The following ZNF484 variants were observed in gnomAD, a reference collection of about 807,000 sequenced individuals.
ZNF484 encodes the protein zinc finger protein 484, also known as KRAB box containing C2H2 type zinc finger bA526D8.4.
A neutral mutation model predicts 12.9 loss-of-function variants in ZNF484; 11 were observed. The observed-to-expected ratio is 0.85, with a 90% confidence interval of 0.54 to 1.41. ZNF484 has a LOEUF of 1.41. Among genes scored for constraint, ZNF484 ranks in the 40% most tolerant of loss-of-function variants. The pLI is 0.00. For missense variants in ZNF484, 807 were observed against 1,007.7 expected, an observed-to-expected ratio of 0.80 and a Z score of 2.70; for synonymous variants, 289 against 334.1, an observed-to-expected ratio of 0.86 and a Z score of 1.47.
In ZNF484 at chr9:92,848,228, G is replaced by A. The variant is rs1423242094; in HGVS notation, c.559C>T (p.Pro187Ser). Residue 187 changes from proline to serine, a missense_variant, in exon 5 of 5, where the codon CCT (proline) becomes TCT (serine). Transcript: ENST00000375495. This position sits in a 1 kb window ranked among gnomAD's most constrained non-coding sequence, Gnocchi z 4.1. ...NCNSCGKNLE[P>S]IITLYNRNNA... Reference sequence around the variant, plus strand: ...TTTCTATTATATAAGGTTATGATAGGCTCCAAATTCTTTCCACACGAGTTA... The same window carrying A: ...TTTCTATTATATAAGGTTATGATAGACTCCAAATTCTTTCCACACGAGTTA... 6.2e-7 allele frequency: 1 copy of A among 1,614,096 alleles called. No individual in the cohort carries two copies. Among genetic ancestry groups the A allele is most frequent in the East Asian group, 2.2e-5 (1 of 44,876 alleles).
intron 2 of ZNF484, among the ~76,000 whole-genome samples, chr9:92,864,845 A>T (rs1856974989): frequency 6.6e-6 from 1 of 152,230 alleles, no homozygotes; most frequent in African/African-American, 2.4e-5. Context: ...CACTAGATAT[A>T]GCAACAAAAA....
Position 92,846,920 on chromosome 9 carries a change from G to A in ZNF484, c.1867C>T (p.Leu623Phe). ...CGKSFTKKSQ[L>F]HVHQQIHTGE... is the part of the protein sequence containing the mutation. ...GTGTGAATCTGCTGATGTACGTGGA[G>A]CTGTGATTTCTTAGTGAAGGATTTC... Residue 623 changes from leucine to phenylalanine, a missense_variant, in exon 5 of 5, where the codon CTC becomes TTC. Coordinates refer to ENST00000375495, the MANE Select transcript of ZNF484 (RefSeq NM_031486.4). 1 of 1,613,938 alleles carries A rather than the reference G, an allele frequency of 6.2e-7. No homozygotes were observed. Among genetic ancestry groups the A allele is most frequent in the Non-Finnish European group, 8.5e-7 (1 of 1,179,988 alleles).
At chr9:92,858,656 T>A (rs1424493004) in intron 2 of ZNF484, among the ~76,000 whole-genome samples, 4 of 152,230 alleles carry the variant, frequency 2.6e-5, no homozygotes, top group African/African-American at 7.2e-5. Context: ...TAAAGTGTTT[T>A]ATAAAGTATC....
chr9:92,849,998 C>G (rs1444956356), intron 4 of ZNF484, among the ~76,000 whole-genome samples: 1 of 152,166 alleles, frequency 6.6e-6, no homozygotes, highest in Non-Finnish European at 1.5e-5. Flanking sequence ...GACGGGGATT[C>G]ACCATGTTGG....
chr9:92,867,560 A>G (rs1432804433), intron 2 of ZNF484, among the ~76,000 whole-genome samples: 2 of 152,232 alleles, frequency 1.3e-5, no homozygotes, highest in African/African-American at 4.8e-5. Flanking sequence ...GCAAACCACC[A>G]TGGCACGCAT....
At position 92,847,786 on chromosome 9, in the gene ZNF484, C is replaced by T; in HGVS notation, c.1001G>A (p.Gly334Glu). 3.1e-6 allele frequency: 5 copies of T among 1,614,008 alleles called. No homozygotes were observed. Among genetic ancestry groups the T allele is most frequent in the Non-Finnish European group, 4.2e-6 (5 of 1,180,034 alleles). Reference sequence around the variant, plus strand: ...ATCTGACTTCTGGATAAAGGCTCTTCCATAGTCACTGCATTTATAGTAATT... The same window carrying T: ...ATCTGACTTCTGGATAAAGGCTCTTTCATAGTCACTGCATTTATAGTAATT... ...EGNYYKCSDY[G>E]RAFIQKSDLF... is the part of the protein sequence containing the mutation. The change falls in exon 5 of 5, where the codon GGA becomes GAA. Residue 334 changes from glycine (G) to glutamate (E), a missense_variant. Gly to Glu is a moderately conservative substitution (Grantham distance 98). Coordinates refer to ENST00000375495, the MANE Select transcript of ZNF484 (RefSeq NM_031486.4).
At chr9:92,856,107 AAC>A in intron 3 of ZNF484, 83 bp downstream of exon 3, 2 of 1,564,280 alleles carry the variant, frequency 1.3e-6, no homozygotes, top group Non-Finnish European at 1.7e-6. Context: ...TACCTCAGAA[AAC>A]ACAGACTTCA....
chr9:92,852,566 C>T (rs560598318), intron 4 of ZNF484, among the ~76,000 whole-genome samples: 2 of 101,574 alleles, frequency 2.0e-5, no homozygotes, highest in African/African-American at 8.3e-5. Context: ...GACGGAGTGT[C>T]GTTCTTGTCA....
In ZNF484 at chr9:92,846,125, T is replaced by A; in HGVS notation, c.*103A>T. ...GGAGCTTGACAACACCAATATCAAG[T>A]AACCAAAGATGGCCACTATACATTG... On this transcript the variant is annotated 3_prime_UTR_variant, in exon 5 of 5. Coordinates refer to ENST00000375495, the MANE Select transcript of ZNF484 (RefSeq NM_031486.4). The A allele has an allele frequency of 1.7e-6, 2 of 1,198,872 alleles. No individual in the cohort carries two copies. The highest frequency in any genetic ancestry group is 2.4e-5 in the Admixed American group (1 of 41,956). The allele number at this position is 1,198,872 out of a possible 1,614,324, so 74.3% of individuals were successfully genotyped here.
intron 4 of ZNF484, among the ~76,000 whole-genome samples, chr9:92,853,516 G>A (rs1587736222): frequency 6.6e-6 from 1 of 152,312 alleles, no homozygotes; most frequent in Middle Eastern, 3.4e-3. Context: ...CAGAGTAAAA[G>A]TTGTTCCCAT....
At chr9:92,862,213 C>T in intron 2 of ZNF484, 2 of 852,930 alleles carry the variant, frequency 2.3e-6, no homozygotes, top group Non-Finnish European at 2.8e-6. Flanking sequence ...ATTTATTAAG[C>T]ATAATTACTT....
rs1256649977 is a variant in ZNF484, at chr9:92,847,311, T to C, written c.1476A>G (p.Gly492=). Residue 492 remains glycine (G), a synonymous_variant, in exon 5 of 5, where the codon GGA becomes GGG. Transcript: ENST00000375495. ...NLIIHQKIHT[G]ERPYICTVCG... ...ACACAGTACATATATAGGGTCTTTCTCCTGTATGAATTTTCTGGTGTATAA... is the reference window on the plus strand; with the variant it reads ...ACACAGTACATATATAGGGTCTTTCCCCTGTATGAATTTTCTGGTGTATAA... The C allele has an allele frequency of 1.2e-6, 2 of 1,613,704 alleles. No homozygotes were observed. The highest frequency in any genetic ancestry group is 1.7e-6 in the Non-Finnish European group (2 of 1,179,938).
In ZNF484 at chr9:92,847,007, G is replaced by T. The variant is rs776288200; in HGVS notation, c.1780C>A (p.His594Asn). Residue 594 changes from histidine (H) to asparagine (N), a missense_variant, in exon 5 of 5, where the codon CAT becomes AAT. Coordinates refer to ENST00000375495, the MANE Select transcript of ZNF484 (RefSeq NM_031486.4). Reference sequence around the variant, plus strand: ...TGAATTCTCTCATGTGTAATAAAATGGGATTTGTGGAAGAAGGCCTTACCA... The same window carrying T: ...TGAATTCTCTCATGTGTAATAAAATTGGATTTGTGGAAGAAGGCCTTACCA... Reference protein sequence around the residue: ...ECGKAFFHKSHFITHERIHTG... With the variant: ...ECGKAFFHKSNFITHERIHTG... The T allele has an allele frequency of 6.2e-7, 1 of 1,613,912 alleles. No homozygotes were observed. Among genetic ancestry groups the T allele is most frequent in the South Asian group, 1.1e-5 (1 of 91,074 alleles).
intron 2 of ZNF484, among the ~76,000 whole-genome samples, chr9:92,872,058 C>T (rs1857465224): frequency 6.6e-6 from 1 of 151,944 alleles, no homozygotes. Flanking sequence ...TGGAGAAACC[C>T]CGTCTCTACT....
chr9:92,847,691 G>A lies in ZNF484; in HGVS notation c.1096C>T (p.Pro366Ser). 1 of 1,613,240 alleles carries A rather than the reference G, an allele frequency of 6.2e-7. No individual in the cohort carries two copies. Residue 366 changes from proline to serine, a missense_variant, in exon 5 of 5, where the codon CCT (proline) becomes TCT (serine). Physicochemically the swap from Pro to Ser is moderately conservative, Grantham distance 74 (BLOSUM62 -1). Transcript: ENST00000375495. ...YEYSECEKNLPQNSNLNIHKK... is the reference protein window; with the variant it reads ...YEYSECEKNLSQNSNLNIHKK... ...TGTATATTAAGGTTTGAATTCTGAG[G>A]GAGGTTTTTCTCACATTCACTGTAC...
chr9:92,870,370 T>C (rs1304272048), intron 2 of ZNF484, among the ~76,000 whole-genome samples: 2 of 152,188 alleles, frequency 1.3e-5, no homozygotes, highest in African/African-American at 2.4e-5. Context: ...AGACAAAACC[T>C]ACTCCAACCA....
chr9:92,852,973 A>T (rs1056470997), intron 4 of ZNF484, among the ~76,000 whole-genome samples: 1 of 152,256 alleles, frequency 6.6e-6, no homozygotes, highest in Non-Finnish European at 1.5e-5. Context: ...AATTGCAAAT[A>T]TGAGGCCATA....
In ZNF484 at chr9:92,873,362, GCTGA is replaced by G. The variant is rs1857576184; in HGVS notation, c.15+1649_15+1652del. On this transcript the variant is annotated intron_variant, in intron 2 of 4. Coordinates refer to ENST00000375495, the MANE Select transcript of ZNF484 (RefSeq NM_031486.4). ...ATGGTACTTTGTTATGGCAGCCTGAGCTGACTAAGACAACTACTAACAGCTCTGC... is the reference window on the plus strand; with the variant it reads ...ATGGTACTTTGTTATGGCAGCCTGAGCTAAGACAACTACTAACAGCTCTGC... 5.3e-5 allele frequency among the ~76,000 whole-genome samples: 8 copies of G among 152,320 alleles called. No homozygotes were observed. The South Asian group carries it at 1.7e-3, about 32-fold the overall frequency.
At chr9:92,860,115 T>C (rs1041615063) in intron 2 of ZNF484, among the ~76,000 whole-genome samples, 2 of 152,146 alleles carry the variant, frequency 1.3e-5, no homozygotes, top group African/African-American at 2.4e-5. Context: ...GGTACCCCAC[T>C]ATAAACCACA....
Sources: allele counts gnomAD v4.1 joint callset (sites outside exome capture counted in the v4.1 genomes callset), GRCh38; gene constraint gnomAD v4.1.1; non-coding constraint Gnocchi (gnomAD v3.1); transcripts MANE v1.5; gene names NCBI Gene and HGNC (gene_info 2026-07-23, HGNC 2026-07-21).